Variants in AGFG1 observed in about 807,000 individuals in gnomAD.
AGFG1 encodes the protein arf-GAP domain and FG repeat-containing protein 1.
AGFG1 carries 10 observed loss-of-function variants against 60.6 expected under a neutral mutation model. That is an observed-to-expected ratio of 0.16 (90% confidence interval 0.10 to 0.28). The LOEUF is 0.28. Among genes scored for constraint, AGFG1 ranks in the 10% least tolerant of loss-of-function variants. AGFG1 has a pLI of 1.00. For missense variants in AGFG1, 537 were observed against 676.5 expected, an observed-to-expected ratio of 0.79 and a Z score of 2.29; for synonymous variants, 247 against 242.9, an observed-to-expected ratio of 1.02 and a Z score of -0.16.
chr2:227,526,485 A>G (rs140175022), intron 5 of AGFG1, among the ~76,000 whole-genome samples: 6,797 of 138,420 alleles, frequency 0.049, 260 homozygotes, highest in Middle Eastern at 0.15. Flanking sequence ...TGATCTACCC[A>G]CCTTGGCCTC....
chr2:227,480,278 G>C (rs1048125612), intron 1 of AGFG1, among the ~76,000 whole-genome samples: 4 of 152,138 alleles, frequency 2.6e-5, no homozygotes, highest in Non-Finnish European at 5.9e-5. Flanking sequence ...ACGACTCTAG[G>C]GGGAGATGCA....
rs560669457 is a variant in AGFG1 at position 227,559,507 on chromosome 2, C to T, written c.*5012C>T. 1 of 152,190 alleles carries T rather than the reference C, an allele frequency of 6.6e-6. No individual in the cohort carries two copies. The highest frequency in any genetic ancestry group is 1.5e-5 in the Non-Finnish European group (1 of 67,992). The allele number at this position is 152,190 out of a possible 1,614,324, so 9.4% of individuals were successfully genotyped here. On this transcript the variant is annotated 3_prime_UTR_variant, in exon 13 of 13. Transcript: ENST00000310078. ...AACGTATATTTAAGTGTATTTTTGA[C>T]ATCTGTGCTTGTCCAACACAGGGCT... is the stretch of plus-strand genomic sequence containing the variant.
chr2:227,547,387 T>G (rs1468106324), intron 10 of AGFG1, among the ~76,000 whole-genome samples: 1 of 152,220 alleles, frequency 6.6e-6, no homozygotes, highest in Admixed American at 6.5e-5. Context: ...TCTCTAATAT[T>G]TAATAATCTA....
At position 227,557,047 on chromosome 2, in the gene AGFG1, A is replaced by T. The variant is rs1006052851; in HGVS notation, c.*2552A>T. 31 of 151,136 alleles carry T rather than the reference A, an allele frequency of 2.1e-4. No individual in the cohort carries two copies. The highest frequency in any genetic ancestry group is 7.5e-4 in the African/African-American group (31 of 41,264). 9.4% of individuals were successfully genotyped at this position (151,136 alleles called of 1,614,324 possible). On this transcript the variant is annotated 3_prime_UTR_variant, in exon 13 of 13. Coordinates refer to ENST00000310078, the MANE Select transcript of AGFG1 (RefSeq NM_004504.5). ...AGACTTTTACATTTAGATTTATTCT[A>T]GTTTTATATAGACCATCAAAATTAT...
intron 2 of AGFG1, among the ~76,000 whole-genome samples, chr2:227,515,115 T>C (rs185523033): frequency 6.6e-6 from 1 of 152,176 alleles, no homozygotes; most frequent in African/African-American, 2.4e-5. Flanking sequence ...GAGACTGTAT[T>C]TTGCCATGTT....
At chr2:227,514,936 T>G (rs1454359864) in intron 2 of AGFG1, among the ~76,000 whole-genome samples, 40 of 152,136 alleles carry the variant, frequency 2.6e-4, no homozygotes, top group Admixed American at 2.6e-3. Context: ...ATTTATTTAT[T>G]TAGAGACAGG....
chr2:227,521,651 C>T (rs879876751), intron 3 of AGFG1, among the ~76,000 whole-genome samples: 12 of 152,156 alleles, frequency 7.9e-5, no homozygotes, highest in Non-Finnish European at 1.6e-4. Flanking sequence ...GTTTTGTTTT[C>T]TCAGCCGTGT....
chr2:227,543,869 T>A (rs1253310448), intron 10 of AGFG1, among the ~76,000 whole-genome samples: 2 of 152,146 alleles, frequency 1.3e-5, no homozygotes, highest in African/African-American at 4.8e-5. Flanking sequence ...TTTAGGATAG[T>A]TAGCTCTTCT....
chr2:227,529,555 T>C (rs1311491338), intron 5 of AGFG1, among the ~76,000 whole-genome samples: 1 of 152,148 alleles, frequency 6.6e-6, no homozygotes, highest in Admixed American at 6.6e-5. Context: ...TATTTGTGGA[T>C]GTGTGTTGCT....
At chr2:227,508,276 C>T (rs539476638) in intron 2 of AGFG1, 197 of 184,422 alleles carry the variant, frequency 1.1e-3, no homozygotes, top group Non-Finnish European at 2.0e-3. Flanking sequence ...ATGATTGAGT[C>T]CTAGATTGAA....
intron 10 of AGFG1, among the ~76,000 whole-genome samples, chr2:227,547,014 A>C (rs1339116743): frequency 6.6e-6 from 1 of 152,244 alleles, no homozygotes; most frequent in East Asian, 1.9e-4. Context: ...TAAAGGTTCA[A>C]AATTCAGTAA....
At chr2:227,542,143 A>T (rs973716534) in intron 10 of AGFG1, among the ~76,000 whole-genome samples, 3 of 152,028 alleles carry the variant, frequency 2.0e-5, no homozygotes, top group African/African-American at 7.2e-5. Context: ...CTAATTGAAT[A>T]CCCGTTATTT....
intron 6 of AGFG1, among the ~76,000 whole-genome samples, chr2:227,533,172 C>G (rs1386049703): frequency 6.6e-6 from 1 of 152,160 alleles, no homozygotes; most frequent in Non-Finnish European, 1.5e-5. Flanking sequence ...TTGAAATCCT[C>G]CTAGTAAGAT....
At chr2:227,531,521 G>GTC (rs1169964504) in intron 6 of AGFG1, among the ~76,000 whole-genome samples, 1,605 of 114,740 alleles carry the variant, frequency 0.014, 36 homozygotes, top group African/African-American at 0.053. Flanking sequence ...CTCTCTCTCT[G>GTC]TCTCTTTTTT....
In AGFG1 at chr2:227,473,586, C is replaced by A. The variant is rs1575053925; in HGVS notation, c.167+998C>A. Among the ~76,000 whole-genome samples, 6 of 152,194 alleles carry A rather than the reference C, an allele frequency of 3.9e-5. No individual in the cohort carries two copies. In the South Asian group the frequency reaches 1.0e-3, roughly 26 times the overall value. The stretch of plus-strand genomic sequence containing the variant: ...TTTGATAAAGATTTTTATTGCCGTG[C>A]AATTTCATTCGGAAAATTTGCAGGT... On this transcript the variant is annotated intron_variant, in intron 1 of 12. Coordinates refer to ENST00000310078, the MANE Select transcript of AGFG1 (RefSeq NM_004504.5).
chr2:227,488,118 G>A (rs1410253206), intron 1 of AGFG1, among the ~76,000 whole-genome samples: 1 of 152,138 alleles, frequency 6.6e-6, no homozygotes, highest in Non-Finnish European at 1.5e-5. Context: ...ATCCTGTAAC[G>A]AGTAACAAAT....
At chr2:227,507,125 G>T (rs1441954446) in intron 2 of AGFG1, among the ~76,000 whole-genome samples, 1 of 151,908 alleles carries the variant, frequency 6.6e-6, no homozygotes, top group African/African-American at 2.4e-5. Flanking sequence ...GTACAGTTTG[G>T]GACTTGTAAG....
At chr2:227,510,343 G>T (rs970858718) in intron 2 of AGFG1, among the ~76,000 whole-genome samples, 6 of 152,094 alleles carry the variant, frequency 3.9e-5, no homozygotes, top group African/African-American at 1.4e-4. Context: ...ATCAGGTCCT[G>T]TTTCTTCAGA....
Position 227,473,262 on chromosome 2 carries a change from G to C in AGFG1, c.167+674G>C, listed in dbSNP as rs180722303. 1.7e-3 allele frequency among the ~76,000 whole-genome samples: 259 copies of C among 152,332 alleles called. 5 individuals carry two copies. The highest frequency in any genetic ancestry group is 0.015 in the Admixed American group (223 of 15,302). On this transcript the variant is annotated intron_variant, in intron 1 of 12. Coordinates refer to ENST00000310078, the MANE Select transcript of AGFG1 (RefSeq NM_004504.5). ...AAGTTCGAAAGGATTAATTGCGGGA[G>C]GGGGAGGCAGAGGAGCAGATTTGAA... is the stretch of plus-strand genomic sequence containing the variant.
Sources: allele counts gnomAD v4.1 joint callset (sites outside exome capture counted in the v4.1 genomes callset), GRCh38; gene constraint gnomAD v4.1.1; transcripts MANE v1.5; gene names NCBI Gene and HGNC (gene_info 2026-07-23, HGNC 2026-07-21).